PKHD1: variants seen among roughly 807,000 people sequenced by gnomAD.
PKHD1 encodes PKHD1 ciliary IPT domain containing fibrocystin/polyductin, also known as fibrocystin.
PKHD1 carries 291 observed loss-of-function variants against 412.0 expected under a neutral mutation model. The observed-to-expected ratio is 0.71, with a 90% CI of 0.64 to 0.78. PKHD1 has a LOEUF of 0.78. Among genes scored for constraint, PKHD1 ranks in the 30% least tolerant of loss-of-function variants. PKHD1 has a pLI of 0.00. For synonymous variants in PKHD1, 1,777 were observed against 1,821.5 expected (o/e 0.98, Z 0.62); for missense variants, 4,825 against 4,950.7 (o/e 0.97, Z 0.76).
intron 60 of PKHD1, among the ~76,000 whole-genome samples, chr6:51,673,453 TA>T (rs1341372897): frequency 1.3e-5 from 2 of 152,358 alleles, no homozygotes; most frequent in Non-Finnish European, 2.9e-5. Context: ...AAATTGAAGT[TA>T]TGGTGGCCGA....
rs1332114645 is a variant in PKHD1, at chr6:51,753,284, T to A, written c.8867A>T (p.Asn2956Ile). The A allele has an allele frequency of 6.2e-7, 1 of 1,613,720 alleles. No homozygotes were observed. Among genetic ancestry groups the A allele is most frequent in the Non-Finnish European group, 8.5e-7 (1 of 1,179,764 alleles). The change falls in exon 57 of 67, where the codon AAT becomes ATT. Residue 2956 changes from asparagine to isoleucine, a missense_variant. Physicochemically the swap from Asn to Ile is moderately radical, Grantham distance 149 (BLOSUM62 -3). Transcript: ENST00000371117. ...LAAEVGLLTR[N>I]IQIQPDVSCR... ...TGATACGTCAGGCTGAATTTGTATA[T>A]TTCGGGTCAACAGTCCAACCTCAGC...
intron 40 of PKHD1, among the ~76,000 whole-genome samples, chr6:51,908,262 T>C (rs1050370917): frequency 6.6e-6 from 1 of 151,944 alleles, no homozygotes; most frequent in Non-Finnish European, 1.5e-5. Context: ...TGAAGGAAAA[T>C]GTTGCTTCTG....
chr6:51,909,539 C>G lies in PKHD1; in HGVS notation c.6491-65G>C, dbSNP rs1048135041. The G allele has an allele frequency of 2.7e-5, 34 of 1,265,476 alleles. 1 individual carries two copies. The African/African-American group carries it at 4.4e-4, about 16-fold the overall frequency. The allele number at this position is 1,265,476 out of a possible 1,614,324, so 78.4% of individuals were successfully genotyped here. On this transcript the variant is annotated intron_variant, in intron 39 of 66. Coordinates refer to ENST00000371117, the MANE Select transcript of PKHD1 (RefSeq NM_138694.4). ...AGAACATGCTTCCAGACAAATCTCCCAGTTTGAAAGGTACTGTCAGCACCG... is the reference window on the plus strand; with the variant it reads ...AGAACATGCTTCCAGACAAATCTCCGAGTTTGAAAGGTACTGTCAGCACCG...
chr6:52,068,238 G>A (rs73435718), intron 11 of PKHD1, among the ~76,000 whole-genome samples: 1,560 of 152,282 alleles, frequency 0.01, 28 homozygotes, highest in African/African-American at 0.035. Flanking sequence ...CAGCCCCTGA[G>A]GAGCTCAGCC....
chr6:51,830,519 T>C (rs1470855514), intron 52 of PKHD1, among the ~76,000 whole-genome samples: 1 of 152,224 alleles, frequency 6.6e-6, no homozygotes, highest in Non-Finnish European at 1.5e-5. Context: ...TTGTCTTCCA[T>C]ACCCTCTGTG....
rs763463216 is a variant in PKHD1, at chr6:51,659,845, T to C, written c.10281A>G (p.Leu3427=). 6 of 1,613,874 alleles carry C rather than the reference T, an allele frequency of 3.7e-6. No homozygotes were observed. In the South Asian group the frequency reaches 6.6e-5, roughly 18 times the overall value. The stretch of plus-strand genomic sequence containing the variant: ...CACTAGTCACAGATACAACTGGATA[T>C]AACTTCTGAATTGCCCAAATGGCAT... ...SADAIWAIQK[L]YPVVSVTSGF... is the part of the protein sequence containing the mutation. Residue 3427 remains leucine (L), a synonymous_variant, in exon 61 of 67, where the codon TTA becomes TTG. Transcript: ENST00000371117.
intron 4 of PKHD1, among the ~76,000 whole-genome samples, chr6:52,081,576 C>G (rs1417350165): frequency 6.6e-6 from 1 of 151,830 alleles, no homozygotes; most frequent in Admixed American, 6.6e-5. Context: ...AAAAAAAAAT[C>G]CCTTCGGGGT....
At chr6:52,008,651 G>A (rs1272983314) in intron 35 of PKHD1, among the ~76,000 whole-genome samples, 1 of 152,068 alleles carries the variant, frequency 6.6e-6, no homozygotes, top group Non-Finnish European at 1.5e-5. Flanking sequence ...CTAGCACTAT[G>A]ACTAGTGAAC....
At chr6:51,985,582 AGC>A (rs1796101539) in intron 35 of PKHD1, among the ~76,000 whole-genome samples, 1 of 152,174 alleles carries the variant, frequency 6.6e-6, no homozygotes, top group African/African-American at 2.4e-5. Flanking sequence ...TGCAAAAATT[AGC>A]CAGGCATGGT....
At chr6:51,819,104 TA>T (rs1206051066) in intron 52 of PKHD1, among the ~76,000 whole-genome samples, 2 of 152,166 alleles carry the variant, frequency 1.3e-5, no homozygotes, top group Non-Finnish European at 2.9e-5. Context: ...TCGTGAGTGT[TA>T]AATTAGGTGT....
At chr6:52,047,486 A>G (rs994713127) in intron 23 of PKHD1, among the ~76,000 whole-genome samples, 1 of 152,134 alleles carries the variant, frequency 6.6e-6, no homozygotes, top group Non-Finnish European at 1.5e-5. Context: ...CCATGTTTCT[A>G]CCAAATAAGT....
At chr6:51,710,159 A>C (rs1379075812) in intron 60 of PKHD1, among the ~76,000 whole-genome samples, 1 of 152,160 alleles carries the variant, frequency 6.6e-6, no homozygotes, top group Non-Finnish European at 1.5e-5. Context: ...CCCGTGAGCC[A>C]AGATGGCACC....
At chr6:51,710,414 T>C (rs1323207719) in intron 60 of PKHD1, among the ~76,000 whole-genome samples, 1 of 152,048 alleles carries the variant, frequency 6.6e-6, no homozygotes, top group African/African-American at 2.4e-5. Context: ...ACATAAAATA[T>C]CATATTTATA....
intron 54 of PKHD1, among the ~76,000 whole-genome samples, chr6:51,773,267 A>T (rs1343467775): frequency 6.6e-6 from 1 of 151,964 alleles, no homozygotes; most frequent in Non-Finnish European, 1.5e-5. Context: ...TTGTCTTATA[A>T]ATATCAAGGG....
At chr6:51,977,464 A>C (rs1365162828) in intron 35 of PKHD1, among the ~76,000 whole-genome samples, 8 of 152,034 alleles carry the variant, frequency 5.3e-5, no homozygotes, top group Non-Finnish European at 7.4e-5. Context: ...ACAGCCTTTC[A>C]CCCCTGTTCT....
At position 52,027,493 on chromosome 6, in the gene PKHD1, T is replaced by C. The variant is rs934464057; in HGVS notation, c.3628+336A>G. On this transcript the variant is annotated intron_variant, in intron 31 of 66. Coordinates refer to ENST00000371117, the MANE Select transcript of PKHD1 (RefSeq NM_138694.4). ...ATTGCAGTGAGCCAAGTCAGCACCA[T>C]TGCACTCCAGACTGGGCAACAAGAG... Among the ~76,000 whole-genome samples, 3 of 136,800 alleles carry C rather than the reference T, an allele frequency of 2.2e-5. 1 individual carries two copies. Among genetic ancestry groups the C allele is most frequent in the Admixed American group, 1.7e-4 (2 of 11,984 alleles). The allele number at this position is 136,800 out of a possible 152,430, so 89.7% of individuals were successfully genotyped here.
intron 63 of PKHD1, among the ~76,000 whole-genome samples, chr6:51,644,146 CGAT>C (rs1769764783): frequency 6.6e-6 from 1 of 151,832 alleles, no homozygotes; most frequent in Admixed American, 6.6e-5. Flanking sequence ...TTTCTGGAAT[CGAT>C]GAGGTGCAGC....
intron 42 of PKHD1, 56 bp downstream of exon 42, chr6:51,903,930 A>G: frequency 8.1e-7 from 1 of 1,239,668 alleles, no homozygotes; most frequent in Non-Finnish European, 1.2e-6. Flanking sequence ...TGTCTATAAA[A>G]TATATGACAA....
intron 35 of PKHD1, among the ~76,000 whole-genome samples, chr6:51,983,777 A>G (rs772345883): frequency 6.6e-6 from 1 of 152,242 alleles, no homozygotes; most frequent in Non-Finnish European, 1.5e-5. Context: ...TTAACTGAGC[A>G]CAAGCTAACA....
Sources: allele counts gnomAD v4.1 joint callset (sites outside exome capture counted in the v4.1 genomes callset), GRCh38; gene constraint gnomAD v4.1.1; transcripts MANE v1.5; gene names NCBI Gene and HGNC (gene_info 2026-07-23, HGNC 2026-07-21).